The following NFIX variants were observed in gnomAD, a reference collection of about 807,000 sequenced individuals.
NFIX encodes nuclear factor 1 X-type.
In NFIX, 2 loss-of-function variants were observed where a neutral mutation model predicts 53.3. The ratio of observed to expected loss-of-function variants is 0.04; its 90% CI spans 0.02 to 0.12. NFIX has a LOEUF of 0.12. NFIX is among the 10% of genes least tolerant of loss of function. The pLI, the probability that NFIX is intolerant of heterozygous loss-of-function variation, is 1.00. For missense variants in NFIX, 310 were observed against 674.5 expected (o/e 0.46, Z 5.99); for synonymous variants, 244 against 289.0 (o/e 0.84, Z 1.58).
At chr19:13,091,189 C>G (rs1195271303) in intron 10 of NFIX, among the ~76,000 whole-genome samples, 1 of 152,028 alleles carries the variant, frequency 6.6e-6, no homozygotes, top group Non-Finnish European at 1.5e-5. Flanking sequence ...AAAGAACATG[C>G]AAAGATCTTT....
In NFIX at chr19:13,073,044, C is replaced by T; in HGVS notation, c.560-3C>T. The T allele has an allele frequency of 6.2e-7, 1 of 1,613,882 alleles. No homozygotes were observed. Among genetic ancestry groups the T allele is most frequent in the South Asian group, 1.1e-5 (1 of 91,086 alleles). ...ACATTCTCCCCTTTTGTGTCTCCTG[C>T]AGAATCCGGACAATCAGATAGTTCA... is the stretch of plus-strand genomic sequence containing the variant. On this transcript the variant is annotated splice_region_variant and splice_polypyrimidine_tract_variant and intron_variant, in intron 2 of 10. Coordinates refer to ENST00000592199, the MANE Select transcript of NFIX (RefSeq NM_001365902.3). This position sits in a 1 kb window ranked among gnomAD's most constrained non-coding sequence, Gnocchi z 4.5.
rs1229717549 is a variant in NFIX, at chr19:13,012,394, G to C, written c.28-12627G>C. On this transcript the variant is annotated intron_variant, in intron 1 of 10. Transcript: ENST00000592199. This position sits in a 1 kb window ranked among gnomAD's most constrained non-coding sequence, Gnocchi z 5.0. ...GGTGGCGTCCTCCCGGCCCCTCGCT[G>C]CTCAAGCGCGGCTCCCTCTTGCCGG... 1 of 152,378 alleles carries C rather than the reference G, an allele frequency of 6.6e-6. No homozygotes were observed. The highest frequency in any genetic ancestry group is 1.5e-5 in the Non-Finnish European group (1 of 68,184). 9.4% of individuals were successfully genotyped at this position (152,378 alleles called of 1,614,324 possible).
intron 2 of NFIX, among the ~76,000 whole-genome samples, chr19:13,034,499 C>T (rs752794103): frequency 1.6e-4 from 25 of 152,184 alleles, no homozygotes; most frequent in Non-Finnish European, 7.3e-5. Context: ...GGAGGGATCC[C>T]ACCTGACCTT....
At chr19:13,041,984 G>A (rs939034721) in intron 2 of NFIX, among the ~76,000 whole-genome samples, 7 of 150,954 alleles carry the variant, frequency 4.6e-5, no homozygotes, top group Non-Finnish European at 7.4e-5. Flanking sequence ...TGCAAGTTCC[G>A]CCTCCCAGAT....
At chr19:13,020,445 C>T (rs999165237) in intron 1 of NFIX, among the ~76,000 whole-genome samples, 2 of 152,160 alleles carry the variant, frequency 1.3e-5, no homozygotes, top group Non-Finnish European at 2.9e-5. Flanking sequence ...GAGACCTTCT[C>T]ATCTCCCGAA....
intron 2 of NFIX, among the ~76,000 whole-genome samples, chr19:13,041,062 G>A (rs1042170678): frequency 1.3e-5 from 2 of 152,156 alleles, no homozygotes; most frequent in Non-Finnish European, 2.9e-5. Context: ...CCAGGCACCC[G>A]GTCTTGGTAG....
At chr19:13,044,400 G>A (rs1213693879) in intron 2 of NFIX, among the ~76,000 whole-genome samples, 1 of 152,224 alleles carries the variant, frequency 6.6e-6, no homozygotes, top group Non-Finnish European at 1.5e-5. Context: ...GCGGGTGTCT[G>A]TGTGGGTGTC....
intron 2 of NFIX, among the ~76,000 whole-genome samples, chr19:13,065,035 C>T (rs561671688): frequency 2.7e-4 from 12 of 43,910 alleles, no homozygotes; most frequent in Admixed American, 1.6e-3. Context: ...TTCTGGAGCA[C>T]GGATGTGAAT....
chr19:13,071,311 A>T (rs1321286475), intron 2 of NFIX: 1 of 152,210 alleles, frequency 6.6e-6, no homozygotes, highest in Non-Finnish European at 1.5e-5. Context: ...TGGGGCTCAA[A>T]TCAGACCCAG....
rs8100175 is a variant in NFIX, at chr19:13,064,370, G to A, written c.560-8677G>A. Reference sequence around the variant, plus strand: ...TTTTCTCAGCTCTCTGTATTCCAAGGCTGGGCTGGGCTGGGCAGGCCTTGG... The same window carrying A: ...TTTTCTCAGCTCTCTGTATTCCAAGACTGGGCTGGGCTGGGCAGGCCTTGG... On this transcript the variant is annotated intron_variant, in intron 2 of 10. Coordinates refer to ENST00000592199, the MANE Select transcript of NFIX (RefSeq NM_001365902.3). Among the ~76,000 whole-genome samples the A allele has an allele frequency of 3.5e-3, 526 of 152,320 alleles. 6 individuals carry two copies. Among genetic ancestry groups the A allele is most frequent in the African/African-American group, 0.012 (510 of 41,568 alleles).
rs1336662297 is a variant in NFIX at position 13,097,587 on chromosome 19, CGGGCGCCCCTCCCT to C, written c.*2942_*2955del. ...GGACTGCTCCGGCCGCGGGTCTCCC[CGGGCGCCCCTCCCT>C]GGGGCCCAGCACCCCTCCTCGCCCC... On this transcript the variant is annotated 3_prime_UTR_variant, in exon 11 of 11. Transcript: ENST00000592199. 2 of 152,424 alleles carry C rather than the reference CGGGCGCCCCTCCCT, an allele frequency of 1.3e-5. No homozygotes were observed. The highest frequency in any genetic ancestry group is 1.5e-5 in the Non-Finnish European group (1 of 67,976). 9.4% of individuals were successfully genotyped at this position (152,424 alleles called of 1,614,324 possible). A position where few individuals can be genotyped will look rare whatever the true frequency, so the allele number is the denominator to read the frequency against.
At chr19:13,046,465 T>TG (rs1555699339) in intron 2 of NFIX, among the ~76,000 whole-genome samples, 41 of 150,740 alleles carry the variant, frequency 2.7e-4, no homozygotes, top group Non-Finnish European at 4.3e-4. Context: ...CGCGTTGCCT[T>TG]CCCCCCCCCT....
At chr19:13,084,653 A>G (rs1056430954) in intron 8 of NFIX, among the ~76,000 whole-genome samples, 2 of 152,120 alleles carry the variant, frequency 1.3e-5, no homozygotes, top group Non-Finnish European at 2.9e-5. Context: ...CCAAGTGAAC[A>G]TGATGGAGAA....
intron 2 of NFIX, among the ~76,000 whole-genome samples, chr19:13,031,122 C>A (rs959694786): frequency 3.6e-4 from 55 of 152,346 alleles, no homozygotes; most frequent in African/African-American, 1.2e-3. Flanking sequence ...TATTCTCAGA[C>A]TCCTTTGACC....
rs2018537081 is a variant in NFIX, at chr19:13,097,631, C to T, written c.*2982C>T. Reference sequence around the variant, plus strand: ...CCCAGCACCCCTCCTCGCCCCATCCCCGTCCGGGTACGGGGGCGCGGCAGG... The same window carrying T: ...CCCAGCACCCCTCCTCGCCCCATCCTCGTCCGGGTACGGGGGCGCGGCAGG... On this transcript the variant is annotated 3_prime_UTR_variant, in exon 11 of 11. Transcript: ENST00000592199. The T allele has an allele frequency of 6.6e-6, 1 of 152,318 alleles. No individual in the cohort carries two copies. Among genetic ancestry groups the T allele is most frequent in the African/African-American group, 2.4e-5 (1 of 41,400 alleles). The allele number at this position is 152,318 out of a possible 1,614,324, so 9.4% of individuals were successfully genotyped here. A position where few individuals can be genotyped will look rare whatever the true frequency, so the allele number is the denominator to read the frequency against.
chr19:13,078,221 C>T lies in NFIX; in HGVS notation c.956-392C>T, dbSNP rs1489832610. On this transcript the variant is annotated intron_variant, in intron 6 of 10. Transcript: ENST00000592199. This position sits in a 1 kb window ranked among gnomAD's most constrained non-coding sequence, Gnocchi z 4.7. The stretch of plus-strand genomic sequence containing the variant: ...TGTCCCTCCCAAACTTACCCCTTCC[C>T]GGCTCTCAAGCTGGCGCCCTGGGGT... 1.3e-5 allele frequency among the ~76,000 whole-genome samples: 2 copies of T among 152,206 alleles called. No homozygotes were observed. Among genetic ancestry groups the T allele is most frequent in the African/African-American group, 2.4e-5 (1 of 41,454 alleles).
rs143917196 is a variant in NFIX at position 13,009,169 on chromosome 19, GCA to G, written c.27+13318_27+13319del. On this transcript the variant is annotated intron_variant, in intron 1 of 10. Coordinates refer to ENST00000592199, the MANE Select transcript of NFIX (RefSeq NM_001365902.3). This position sits in a 1 kb window ranked among gnomAD's most constrained non-coding sequence, Gnocchi z 4.7. ...GTCTCACACACAACCTGTCACACACGCACACACACACACAGCGGCACAGTCGC... is the reference window on the plus strand; with the variant it reads ...GTCTCACACACAACCTGTCACACACGCACACACACACAGCGGCACAGTCGC... 7.3e-5 allele frequency among the ~76,000 whole-genome samples: 11 copies of G among 151,494 alleles called. No individual in the cohort carries two copies. The East Asian group carries it at 9.7e-4, about 13-fold the overall frequency.
chr19:13,090,690 A>T lies in NFIX; in HGVS notation c.1494+300A>T, dbSNP rs947954830. ...TGGGCCAGGCCTGGTAGAAGCAAAG[A>T]TGGAAGCCTGAGGCCCATCGGGAGG... On this transcript the variant is annotated intron_variant, in intron 10 of 10. Coordinates refer to ENST00000592199, the MANE Select transcript of NFIX (RefSeq NM_001365902.3). The surrounding 1 kb of genome is among the most constrained non-coding windows in gnomAD (Gnocchi z 6.6). Among the ~76,000 whole-genome samples the T allele has an allele frequency of 1.3e-5, 2 of 152,206 alleles. No individual in the cohort carries two copies. Among genetic ancestry groups the T allele is most frequent in the Non-Finnish European group, 2.9e-5 (2 of 68,022 alleles).
In NFIX at chr19:13,046,474, CT is replaced by C. The variant is rs200883192; in HGVS notation, c.559+20923del. The stretch of plus-strand genomic sequence containing the variant: ...TGGAATCGCGTTGCCTTCCCCCCCC[CT>C]CTTTTTTTTGCCTTGACAGCTCCAA... On this transcript the variant is annotated intron_variant, in intron 2 of 10. Transcript: ENST00000592199. Among the ~76,000 whole-genome samples the C allele has an allele frequency of 3.0e-3, 462 of 152,014 alleles. 2 individuals are homozygous for C. Among genetic ancestry groups the C allele is most frequent in the African/African-American group, 0.011 (437 of 41,384 alleles).
Sources: allele counts gnomAD v4.1 joint callset (sites outside exome capture counted in the v4.1 genomes callset), GRCh38; gene constraint gnomAD v4.1.1; non-coding constraint Gnocchi (gnomAD v3.1); transcripts MANE v1.5; gene names NCBI Gene and HGNC (gene_info 2026-07-23, HGNC 2026-07-21).